The following ZCWPW2 variants were observed in gnomAD, a reference collection of about 807,000 sequenced individuals.
ZCWPW2 encodes the protein zinc finger CW-type and PWWP domain containing 2, also known as zinc finger CW-type PWWP domain protein 2.
Under a neutral mutation model 46.6 loss-of-function variants are expected in ZCWPW2, and 45 were observed. The observed-to-expected ratio is 0.96, with a 90% confidence interval of 0.76 to 1.24. The LOEUF is 1.24. Ranked by LOEUF, ZCWPW2 falls within the 50% of genes most tolerant of loss-of-function variation. ZCWPW2 has a pLI of 0.00. For synonymous variants in ZCWPW2, 152 were observed against 137.1 expected (o/e 1.11, Z -0.76); for missense variants, 429 against 403.9 (o/e 1.06, Z -0.53).
At chr3:28,448,784 CAAAAAAAAAAA>C (rs576935771) in intron 4 of ZCWPW2, among the ~76,000 whole-genome samples, 6 of 65,332 alleles carry the variant, frequency 9.2e-5, no homozygotes, top group African/African-American at 1.2e-4. Context: ...GACTCTGTCT[CAAAAAAAAAAA>C]AAAAAAAAAA....
At chr3:28,451,653 G>C (rs1698230034) in intron 4 of ZCWPW2, among the ~76,000 whole-genome samples, 1 of 152,058 alleles carries the variant, frequency 6.6e-6, no homozygotes, top group Non-Finnish European at 1.5e-5. Context: ...TAGTACATCT[G>C]GATTAACATC....
intron 2 of ZCWPW2, among the ~76,000 whole-genome samples, chr3:28,401,270 C>T (rs1445527507): frequency 6.6e-6 from 1 of 152,060 alleles, no homozygotes; most frequent in African/African-American, 2.4e-5. Context: ...AACCCCACAT[C>T]TGAATACTAA....
In ZCWPW2 at chr3:28,515,578, T is replaced by A; in HGVS notation, c.741T>A (p.Phe247Leu). 1.2e-6 allele frequency: 2 copies of A among 1,609,380 alleles called. No individual in the cohort carries two copies. Among genetic ancestry groups the A allele is most frequent in the Non-Finnish European group, 1.7e-6 (2 of 1,179,058 alleles). ...GGAAAGCAATTTTAAAATGCTCTTT[T>A]GAAAATGTTTATTCTGATGATGCCT... is the stretch of plus-strand genomic sequence containing the variant. ...RKRKAILKCS[F>L]ENVYSDDALS... Residue 247 changes from phenylalanine (F) to leucine (L), a missense_variant, in exon 8 of 10, where the codon TTT becomes TTA. Physicochemically the swap from Phe to Leu is conservative, Grantham distance 22 (BLOSUM62 0). Transcript: ENST00000383768.
At chr3:28,453,648 T>A (rs544731906) in intron 4 of ZCWPW2, among the ~76,000 whole-genome samples, 1 of 152,068 alleles carries the variant, frequency 6.6e-6, no homozygotes, top group Non-Finnish European at 1.5e-5. Flanking sequence ...ATTTCCCTTA[T>A]ATGTAAAGTT....
chr3:28,367,483 A>C lies in ZCWPW2; in HGVS notation c.-134+18280A>C, dbSNP rs183157387. Among the ~76,000 whole-genome samples the C allele has an allele frequency of 5.8e-4, 89 of 152,258 alleles. 2 individuals carry two copies. The East Asian group carries it at 0.014, about 24-fold the overall frequency. On this transcript the variant is annotated intron_variant, in intron 1 of 9. Coordinates refer to ENST00000383768, the MANE Select transcript of ZCWPW2 (RefSeq NM_001040432.4). Reference sequence around the variant, plus strand: ...AGTGAGTTTCTTAATCCTGAGTTCTAGTTTGATTGCACTGTCGTCTGAGAG... The same window carrying C: ...AGTGAGTTTCTTAATCCTGAGTTCTCGTTTGATTGCACTGTCGTCTGAGAG...
chr3:28,400,354 G>A (rs1340035485), intron 2 of ZCWPW2, among the ~76,000 whole-genome samples: 1 of 152,120 alleles, frequency 6.6e-6, no homozygotes, highest in Non-Finnish European at 1.5e-5. Flanking sequence ...TTAAAAGTTT[G>A]GAAAACATAT....
intron 3 of ZCWPW2, among the ~76,000 whole-genome samples, chr3:28,424,877 A>G (rs779929881): frequency 2.6e-5 from 4 of 152,216 alleles, no homozygotes; most frequent in Non-Finnish European, 5.9e-5. Flanking sequence ...AAGAAAAAAT[A>G]TTTTAAAAGA....
At chr3:28,450,093 T>C (rs939876335) in intron 4 of ZCWPW2, among the ~76,000 whole-genome samples, 2 of 152,214 alleles carry the variant, frequency 1.3e-5, no homozygotes, top group East Asian at 3.8e-4. Flanking sequence ...ATAAGCACTT[T>C]TAAGTTCCTT....
At chr3:28,413,466 C>A (rs1016698379) in intron 3 of ZCWPW2, 66 bp downstream of exon 3, 2 of 1,325,940 alleles carry the variant, frequency 1.5e-6, no homozygotes, top group Admixed American at 2.4e-5. Flanking sequence ...TATTAAAAAT[C>A]TTTTTGAAGA....
At chr3:28,446,245 A>C (rs1467858773) in intron 4 of ZCWPW2, among the ~76,000 whole-genome samples, 2 of 152,154 alleles carry the variant, frequency 1.3e-5, no homozygotes, top group Non-Finnish European at 2.9e-5. Flanking sequence ...TTCACATGGG[A>C]CATTTTCTAC....
At chr3:28,384,190 C>T (rs775003039) in intron 1 of ZCWPW2, among the ~76,000 whole-genome samples, 1 of 152,150 alleles carries the variant, frequency 6.6e-6, no homozygotes, top group Non-Finnish European at 1.5e-5. Context: ...CTAGACCCAA[C>T]CACAGTCTTC....
chr3:28,384,770 C>CG (rs1273627409), intron 1 of ZCWPW2, among the ~76,000 whole-genome samples: 14 of 151,944 alleles, frequency 9.2e-5, no homozygotes, highest in Admixed American at 9.2e-4. Flanking sequence ...CCCATTTCCA[C>CG]GGCCGGCTAA....
chr3:28,349,163 G>C lies in ZCWPW2; in HGVS notation c.-174G>C. ...TGAGCCTCCGCGGCGGGACGGGGCG[G>C]GGCCGCGGGACGCCAGGAGGCGGAG... is the stretch of plus-strand genomic sequence containing the variant. On this transcript the variant is annotated 5_prime_UTR_variant, in exon 1 of 10. Transcript: ENST00000383768. The C allele has an allele frequency of 1.0e-6, 1 of 985,704 alleles. No individual in the cohort carries two copies. Among genetic ancestry groups the C allele is most frequent in the Non-Finnish European group, 1.2e-6 (1 of 830,174 alleles). 61.1% of individuals were successfully genotyped at this position (985,704 alleles called of 1,614,324 possible).
intron 6 of ZCWPW2, among the ~76,000 whole-genome samples, chr3:28,502,741 G>A (rs570133263): frequency 6.6e-6 from 1 of 152,266 alleles, no homozygotes; most frequent in Admixed American, 6.5e-5. Flanking sequence ...ATTGTCGCTA[G>A]GGTTGCAGTT....
intron 6 of ZCWPW2, among the ~76,000 whole-genome samples, chr3:28,496,520 T>A (rs1699995293): frequency 6.6e-6 from 1 of 152,040 alleles, no homozygotes; most frequent in South Asian, 2.1e-4. Flanking sequence ...TATTTAATCT[T>A]AATTAGTTTT....
intron 1 of ZCWPW2, among the ~76,000 whole-genome samples, chr3:28,358,300 C>T (rs960289697): frequency 1.3e-5 from 2 of 151,980 alleles, no homozygotes; most frequent in Non-Finnish European, 1.5e-5. Flanking sequence ...TTAATATAGC[C>T]GAGCCTCTTT....
At chr3:28,518,528 G>A (rs1700638931) in intron 8 of ZCWPW2, among the ~76,000 whole-genome samples, 1 of 152,088 alleles carries the variant, frequency 6.6e-6, no homozygotes, top group South Asian at 2.1e-4. Context: ...ACAGCAGTCA[G>A]GTTGGTGTTG....
chr3:28,357,852 G>A (rs1704801169), intron 1 of ZCWPW2, among the ~76,000 whole-genome samples: 1 of 140,262 alleles, frequency 7.1e-6, no homozygotes, highest in Non-Finnish European at 1.5e-5. Context: ...CATCCTATTG[G>A]TTCTGTTTCT....
chr3:28,492,626 A>G (rs547452656), intron 6 of ZCWPW2, among the ~76,000 whole-genome samples: 2 of 152,246 alleles, frequency 1.3e-5, no homozygotes, highest in Non-Finnish European at 2.9e-5. Flanking sequence ...TTGTAAATGA[A>G]AATTGTCAAC....
Sources: gnomAD v4.1 joint callset for allele counts (sites outside exome capture counted in the v4.1 genomes callset) on GRCh38, gnomAD v4.1.1 for gene constraint, MANE v1.5 for transcripts, NCBI Gene and HGNC (gene_info 2026-07-23, HGNC 2026-07-21) for gene names.